Variants in MYO16 observed in about 807,000 individuals in gnomAD.
MYO16 encodes unconventional myosin-XVI.
MYO16 carries 94 observed loss-of-function variants against 205.3 expected under a neutral mutation model. The observed-to-expected ratio is 0.46, with a 90% CI of 0.39 to 0.54. MYO16 has a LOEUF of 0.54. MYO16 is among the 20% of genes least tolerant of loss of function. The pLI is 0.00. For synonymous variants in MYO16, 988 were observed against 954.0 expected (o/e 1.04, Z -0.66); for missense variants, 2,315 against 2,387.5 (o/e 0.97, Z 0.63).
chr13:108,975,892 A>G (rs1458229948), intron 20 of MYO16, among the ~76,000 whole-genome samples: 2 of 152,196 alleles, frequency 1.3e-5, no homozygotes, highest in African/African-American at 4.8e-5. Flanking sequence ...TAGATGATCT[A>G]TAATGATTGT....
chr13:108,699,187 G>A (rs1883206701), intron 2 of MYO16, among the ~76,000 whole-genome samples: 1 of 142,708 alleles, frequency 7.0e-6, no homozygotes, highest in East Asian at 2.1e-4. Context: ...ATACACACAT[G>A]TATATATAGT....
chr13:109,006,221 C>T (rs1222175187), intron 21 of MYO16, among the ~76,000 whole-genome samples: 1 of 152,078 alleles, frequency 6.6e-6, no homozygotes, highest in African/African-American at 2.4e-5. Flanking sequence ...CTGGGCTCTT[C>T]TTTCCAGTCT....
At chr13:109,048,989 C>G (rs1208195260) in intron 24 of MYO16, 4 of 141,548 alleles carry the variant, frequency 2.8e-5, no homozygotes, top group Non-Finnish European at 6.1e-5. Flanking sequence ...AAAAGCCGAA[C>G]TCCAGACTTT....
chr13:108,950,399 C>G (rs931599081), intron 16 of MYO16, among the ~76,000 whole-genome samples: 1 of 152,048 alleles, frequency 6.6e-6, no homozygotes, highest in African/African-American at 2.4e-5. Flanking sequence ...GGATATTTCA[C>G]CAAATATGAA....
At chr13:108,691,080 C>T (rs1176394239) in intron 2 of MYO16, among the ~76,000 whole-genome samples, 1 of 152,146 alleles carries the variant, frequency 6.6e-6, no homozygotes, top group Non-Finnish European at 1.5e-5. Context: ...TTGATATGGG[C>T]TTTTCAATTT....
intron 22 of MYO16, among the ~76,000 whole-genome samples, chr13:109,010,976 T>TATATATATATATATATATATATATATA (rs59979915): frequency 2.4e-4 from 34 of 143,140 alleles, no homozygotes; most frequent in African/African-American, 3.9e-4. Flanking sequence ...TATATATATA[T>TATATATATATATATATATATATATATA]TTCTTCACCT....
chr13:108,717,427 G>A (rs544916913), intron 3 of MYO16, among the ~76,000 whole-genome samples: 2 of 152,014 alleles, frequency 1.3e-5, no homozygotes, highest in South Asian at 2.1e-4. Flanking sequence ...TCAGGAGATC[G>A]AGACCACCCT....
intron 7 of MYO16, among the ~76,000 whole-genome samples, chr13:108,814,755 C>G (rs1016513680): frequency 6.6e-6 from 1 of 152,020 alleles, no homozygotes; most frequent in Admixed American, 6.6e-5. Flanking sequence ...CTATTGAAAA[C>G]CTAATTATTT....
intron 12 of MYO16, among the ~76,000 whole-genome samples, chr13:108,871,442 T>TA (rs1048666101): frequency 1.7e-4 from 26 of 151,762 alleles, no homozygotes; most frequent in African/African-American, 6.1e-4. Flanking sequence ...ACTTTCCATA[T>TA]AAAAAAACCA....
the MYO16 span, among the ~76,000 whole-genome samples, chr13:108,535,573 C>T: frequency 6.6e-6 from 1 of 152,160 alleles, no homozygotes; most frequent in Non-Finnish European, 1.5e-5. Flanking sequence ...ATTTCCCTTT[C>T]AGAGAATAGT....
chr13:108,656,072 A>C (rs1186824118), intron 1 of MYO16, among the ~76,000 whole-genome samples: 1 of 152,084 alleles, frequency 6.6e-6, no homozygotes, highest in Non-Finnish European at 1.5e-5. Flanking sequence ...TTTGTTTTGA[A>C]ATGTGAGGAC....
chr13:109,084,648 G>A (rs1464753500), intron 27 of MYO16, among the ~76,000 whole-genome samples: 1 of 151,528 alleles, frequency 6.6e-6, no homozygotes, highest in Non-Finnish European at 1.5e-5. Context: ...AGTAAACATT[G>A]TATATTAATT....
chr13:108,608,486 C>A (rs1879045083), intron 1 of MYO16, among the ~76,000 whole-genome samples: 1 of 152,172 alleles, frequency 6.6e-6, no homozygotes, highest in Admixed American at 6.5e-5. Flanking sequence ...TACACCATTC[C>A]TGTTCTTCTC....
the MYO16 span, among the ~76,000 whole-genome samples, chr13:108,559,274 A>G: frequency 1.3e-5 from 2 of 151,988 alleles, no homozygotes; most frequent in African/African-American, 4.8e-5. Context: ...GACTAGAGTG[A>G]CATATCTATA....
intron 10 of MYO16, among the ~76,000 whole-genome samples, chr13:108,854,822 C>A (rs1170477985): frequency 1.3e-5 from 2 of 152,116 alleles, no homozygotes; most frequent in Non-Finnish European, 2.9e-5. Context: ...ATGTTGCAGT[C>A]TTTAAACATT....
intron 3 of MYO16, among the ~76,000 whole-genome samples, chr13:108,727,237 G>C (rs1208373063): frequency 1.3e-5 from 2 of 151,856 alleles, no homozygotes; most frequent in Admixed American, 1.3e-4. Flanking sequence ...TCTGTCTGCT[G>C]TTCCTTGACC....
At chr13:109,047,416 T>G (rs1887083084) in intron 24 of MYO16, among the ~76,000 whole-genome samples, 1 of 152,126 alleles carries the variant, frequency 6.6e-6, no homozygotes, top group African/African-American at 2.4e-5. Flanking sequence ...AAAATATTCA[T>G]GCTCACTATG....
At chr13:109,038,330 G>A (rs188310666) in intron 23 of MYO16, among the ~76,000 whole-genome samples, 2 of 152,212 alleles carry the variant, frequency 1.3e-5, no homozygotes, top group Admixed American at 6.5e-5. Context: ...AGCTTCAAGT[G>A]GGTGGGTGGG....
intron 20 of MYO16, among the ~76,000 whole-genome samples, chr13:108,986,756 C>T (rs1293983324): frequency 6.6e-6 from 1 of 151,952 alleles, no homozygotes; most frequent in Non-Finnish European, 1.5e-5. Context: ...TGATGAACTG[C>T]TCACTTTCTT....
Sources: allele counts gnomAD v4.1 joint callset (sites outside exome capture counted in the v4.1 genomes callset), GRCh38; gene constraint gnomAD v4.1.1; transcripts MANE v1.5; gene names NCBI Gene and HGNC (gene_info 2026-07-23, HGNC 2026-07-21).